PTPRK: variants seen among roughly 807,000 people sequenced by gnomAD.
PTPRK encodes the protein receptor-type tyrosine-protein phosphatase kappa.
A neutral mutation model predicts 178.0 loss-of-function variants in PTPRK; 75 were observed. That is an observed-to-expected ratio of 0.42 (90% confidence interval 0.35 to 0.51). The LOEUF is 0.51. PTPRK is among the 20% of genes least tolerant of loss of function. The probability of loss-of-function intolerance (pLI) is 0.02; values close to 1 mark genes in which losing one functional copy is unlikely to be tolerated. For synonymous variants in PTPRK, 637 were observed against 620.6 expected, an observed-to-expected ratio of 1.03 and a Z score of -0.39; for missense variants, 1,441 against 1,797.8, an observed-to-expected ratio of 0.80 and a Z score of 3.59.
intron 2 of PTPRK, among the ~76,000 whole-genome samples, chr6:128,343,205 A>G (rs561364858): frequency 6.6e-6 from 1 of 152,216 alleles, no homozygotes; most frequent in African/African-American, 2.4e-5. Flanking sequence ...TGTCTATATG[A>G]AAATAAAAAA....
At chr6:128,180,113 A>C (rs1320026894) in intron 7 of PTPRK, among the ~76,000 whole-genome samples, 1 of 152,122 alleles carries the variant, frequency 6.6e-6, no homozygotes, top group Non-Finnish European at 1.5e-5. Context: ...ATCATAAAGC[A>C]GTTCCACAAT....
intron 2 of PTPRK, among the ~76,000 whole-genome samples, chr6:128,390,326 C>T (rs1584490710): frequency 6.6e-6 from 1 of 152,002 alleles, no homozygotes; most frequent in East Asian, 1.9e-4. Context: ...AAATAACATA[C>T]ACATAAATCA....
At chr6:128,483,200 T>C (rs957512600) in intron 1 of PTPRK, among the ~76,000 whole-genome samples, 1 of 152,176 alleles carries the variant, frequency 6.6e-6, no homozygotes, top group Non-Finnish European at 1.5e-5. Flanking sequence ...ACAACTTTTT[T>C]TATCCAACAA....
chr6:128,013,458 C>A (rs1412158357), intron 13 of PTPRK, among the ~76,000 whole-genome samples: 1 of 151,444 alleles, frequency 6.6e-6, no homozygotes, highest in Non-Finnish European at 1.5e-5. Flanking sequence ...GTATGACAGT[C>A]ACCTTAAGCA....
chr6:128,110,161 C>T (rs912324963), intron 7 of PTPRK, among the ~76,000 whole-genome samples: 1 of 152,078 alleles, frequency 6.6e-6, no homozygotes, highest in African/African-American at 2.4e-5. Flanking sequence ...TGGCCTCGAG[C>T]AGTCCTCCCA....
chr6:128,041,519 T>C (rs1012144316), intron 13 of PTPRK, among the ~76,000 whole-genome samples: 11 of 151,910 alleles, frequency 7.2e-5, no homozygotes, highest in African/African-American at 2.7e-4. Context: ...TTCCCTGCAA[T>C]TGGATAAATA....
At chr6:128,096,075 T>C (rs1042868110) in intron 7 of PTPRK, among the ~76,000 whole-genome samples, 4 of 152,152 alleles carry the variant, frequency 2.6e-5, no homozygotes, top group African/African-American at 9.7e-5. Flanking sequence ...GGATGAAATA[T>C]AAAGAAATGT....
chr6:128,197,247 GGTTT>G (rs761649854), intron 6 of PTPRK, among the ~76,000 whole-genome samples: 8 of 146,912 alleles, frequency 5.4e-5, no homozygotes, highest in Non-Finnish European at 1.2e-4. Flanking sequence ...AGAACATGCA[GGTTT>G]GTTACATAGG....
intron 2 of PTPRK, among the ~76,000 whole-genome samples, chr6:128,380,970 G>T (rs1837823903): frequency 6.6e-6 from 1 of 151,482 alleles, no homozygotes; most frequent in African/African-American, 2.4e-5. Context: ...TTAAATATAT[G>T]ACAATAAACT....
intron 10 of PTPRK, 88 bp from the exon 11 acceptor site, chr6:128,079,006 GA>G (rs932096813): frequency 2.5e-4 from 196 of 781,088 alleles, no homozygotes; most frequent in African/African-American, 5.6e-4. Context: ...CTTAAGTTAG[GA>G]AAAAAAAATT....
intron 15 of PTPRK, chr6:128,001,061 A>T (rs1777778099): frequency 1.6e-6 from 1 of 622,500 alleles, no homozygotes; most frequent in African/African-American, 1.8e-5. Flanking sequence ...TTTCCACCTC[A>T]TTAAACCACC....
intron 1 of PTPRK, among the ~76,000 whole-genome samples, chr6:128,451,460 A>G (rs1180995114): frequency 6.6e-6 from 1 of 152,090 alleles, no homozygotes; most frequent in Non-Finnish European, 1.5e-5. Flanking sequence ...TATAAAACAC[A>G]CCTCCTTTTT....
intron 2 of PTPRK, among the ~76,000 whole-genome samples, chr6:128,382,301 T>C (rs563974241): frequency 6.6e-6 from 1 of 151,970 alleles, no homozygotes; most frequent in East Asian, 1.9e-4. Flanking sequence ...CAAAGAACTA[T>C]GACTTCTATT....
intron 1 of PTPRK, among the ~76,000 whole-genome samples, chr6:128,493,425 G>A (rs775648945): frequency 2.6e-5 from 4 of 151,922 alleles, no homozygotes; most frequent in Non-Finnish European, 5.9e-5. Context: ...AGCTGGGCAT[G>A]GTGGCAGGCG....
chr6:128,044,228 C>T (rs980591656), intron 13 of PTPRK, among the ~76,000 whole-genome samples: 8 of 152,102 alleles, frequency 5.3e-5, no homozygotes, highest in African/African-American at 1.9e-4. Context: ...ATGCCAAAAA[C>T]CTATCATTCT....
chr6:128,239,125 G>GTT (rs71833785), intron 5 of PTPRK, among the ~76,000 whole-genome samples: 2,434 of 98,716 alleles, frequency 0.025, 112 homozygotes, highest in African/African-American at 0.073. Flanking sequence ...AACTCATCTT[G>GTT]TTTTTTTTTT....
At chr6:128,338,852 C>G (rs972126823) in intron 2 of PTPRK, among the ~76,000 whole-genome samples, 1 of 144,310 alleles carries the variant, frequency 6.9e-6, no homozygotes, top group Non-Finnish European at 1.5e-5. Context: ...AAGAGATTCA[C>G]CAAATATAGG....
chr6:128,312,353 C>A (rs1484763729), intron 3 of PTPRK, among the ~76,000 whole-genome samples: 1 of 152,082 alleles, frequency 6.6e-6, no homozygotes. Context: ...CTATGCCCTG[C>A]CATGGGGAAG....
At chr6:128,248,752 T>C (rs760241116) in intron 3 of PTPRK, among the ~76,000 whole-genome samples, 1 of 152,168 alleles carries the variant, frequency 6.6e-6, no homozygotes, top group Non-Finnish European at 1.5e-5. Flanking sequence ...GAATGCTTTA[T>C]AGGAAGTTTG....
Sources: gnomAD v4.1 joint callset for allele counts (sites outside exome capture counted in the v4.1 genomes callset) on GRCh38, gnomAD v4.1.1 for gene constraint, MANE v1.5 for transcripts, NCBI Gene and HGNC (gene_info 2026-07-23, HGNC 2026-07-21) for gene names.